Variants in PARP4 observed in about 807,000 individuals in gnomAD.
PARP4 encodes the protein poly(ADP-ribose) polymerase family member 4.
In PARP4, 120 loss-of-function variants were observed where a neutral mutation model predicts 187.7. The ratio of observed to expected loss-of-function variants is 0.64; its 90% CI spans 0.55 to 0.74. PARP4 has a LOEUF of 0.74. Among genes scored for constraint, PARP4 ranks in the 30% least tolerant of loss-of-function variants. The pLI is 0.00. For missense variants in PARP4, 1,836 were observed against 2,070.5 expected, an observed-to-expected ratio of 0.89 and a Z score of 2.20; for synonymous variants, 654 against 740.9, an observed-to-expected ratio of 0.88 and a Z score of 1.90.
chr13:24,462,319 G>T (rs1305206071), intron 17 of PARP4, among the ~76,000 whole-genome samples: 1 of 152,182 alleles, frequency 6.6e-6, no homozygotes, highest in Non-Finnish European at 1.5e-5. Context: ...ACAGGTAGTG[G>T]CAGTCCACCA....
At chr13:24,505,543 C>T (rs1869589004) in intron 1 of PARP4, among the ~76,000 whole-genome samples, 1 of 152,040 alleles carries the variant, frequency 6.6e-6, no homozygotes. Flanking sequence ...CCGCCTAAAC[C>T]CCCCAGAAAT....
intron 1 of PARP4, among the ~76,000 whole-genome samples, chr13:24,508,429 AAG>A (rs1274003552): frequency 2.0e-5 from 3 of 152,218 alleles, no homozygotes; most frequent in Non-Finnish European, 4.4e-5. Context: ...CAGAAAAAAA[AAG>A]AACAAAACAA....
At position 24,486,164 on chromosome 13, in the gene PARP4, T is replaced by C; in HGVS notation, c.1352+4A>G. On this transcript the variant is annotated splice_donor_region_variant and intron_variant, in intron 11 of 33. Transcript: ENST00000381989. ...TTTTGAAAAATAAAGATGGCTACTC[T>C]TACCGACACAAGATTCCCACGATGT... 1 of 1,608,020 alleles carries C rather than the reference T, an allele frequency of 6.2e-7. No homozygotes were observed. Among genetic ancestry groups the C allele is most frequent in the Non-Finnish European group, 8.5e-7 (1 of 1,178,034 alleles).
At chr13:24,496,610 A>T (rs1012074914) in intron 6 of PARP4, among the ~76,000 whole-genome samples, 4 of 152,092 alleles carry the variant, frequency 2.6e-5, no homozygotes, top group Non-Finnish European at 4.4e-5. Context: ...ACCTGACGTG[A>T]GTCTCTTTCT....
intron 26 of PARP4, 107 bp downstream of exon 26, chr13:24,446,909 C>T (rs1250094407): frequency 2.1e-6 from 3 of 1,450,028 alleles, no homozygotes; most frequent in East Asian, 2.3e-5. Context: ...AGCTGTGTTC[C>T]CAGAAGAAGA....
intron 18 of PARP4, 139 bp downstream of exon 18, chr13:24,459,833 T>G: frequency 1.6e-6 from 1 of 633,432 alleles, no homozygotes; most frequent in Non-Finnish European, 2.7e-6. Context: ...TGTATCTAAA[T>G]GCATGTCAGT....
In PARP4 at chr13:24,455,159, G is replaced by C. The variant is rs1389841851; in HGVS notation, c.2616C>G (p.Ala872=). The C allele has an allele frequency of 6.2e-7, 1 of 1,609,530 alleles. No homozygotes were observed. Among genetic ancestry groups the C allele is most frequent in the African/African-American group, 1.3e-5 (1 of 74,838 alleles). The change falls in exon 22 of 34, where the codon GCC becomes GCG. Residue 872 remains alanine, a synonymous_variant. Transcript: ENST00000381989. ...PDLDVDLPDL[A]SESEVIICLD... is the part of the protein sequence containing the mutation. ...GACAAATAATCACTTCGCTCTCACT[G>C]GCTAGGTCAGGGAGGTCGACATCGA... is the stretch of plus-strand genomic sequence containing the variant.
At position 24,456,486 on chromosome 13, in the gene PARP4, A is replaced by G. The variant is rs1871859450; in HGVS notation, c.2425-8T>C. Reference sequence around the variant, plus strand: ...AGCTTTGCAGTCTGTGCGCTGCAAAACAAACACCGCGACAACAAGGTGAGT... The same window carrying G: ...AGCTTTGCAGTCTGTGCGCTGCAAAGCAAACACCGCGACAACAAGGTGAGT... On this transcript the variant is annotated splice_polypyrimidine_tract_variant and splice_region_variant and intron_variant, in intron 20 of 33. Coordinates refer to ENST00000381989, the MANE Select transcript of PARP4 (RefSeq NM_006437.4). 6.3e-7 allele frequency: 1 copy of G among 1,583,548 alleles called. No homozygotes were observed.
intron 10 of PARP4, among the ~76,000 whole-genome samples, chr13:24,487,698 T>A (rs1426822807): frequency 6.6e-6 from 1 of 152,080 alleles, no homozygotes; most frequent in Non-Finnish European, 1.5e-5. Context: ...CAACCCCATG[T>A]CCAGTGGCCT....
chr13:24,489,367 T>C (rs1868497115), intron 10 of PARP4, among the ~76,000 whole-genome samples: 1 of 152,120 alleles, frequency 6.6e-6, no homozygotes, highest in African/African-American at 2.4e-5. Context: ...CCCAGCACTT[T>C]GGGAGGCCGA....
intron 24 of PARP4, chr13:24,451,959 TG>T (rs1051153957): frequency 1.9e-4 from 30 of 154,518 alleles, no homozygotes; most frequent in Admixed American, 8.5e-4. Context: ...GGGGTCTGCC[TG>T]GAGGTCACAT....
chr13:24,457,584 C>G (rs1311124757), intron 20 of PARP4, among the ~76,000 whole-genome samples: 1 of 152,004 alleles, frequency 6.6e-6, no homozygotes, highest in Non-Finnish European at 1.5e-5. Flanking sequence ...CCAGCCTGGC[C>G]AACATGGGAA....
chr13:24,448,487 G>T (rs1247576733), intron 25 of PARP4, among the ~76,000 whole-genome samples: 1 of 150,012 alleles, frequency 6.7e-6, no homozygotes, highest in East Asian at 1.9e-4. Context: ...TGTTGGTGAG[G>T]ATGTGGAAAA....
intron 17 of PARP4, among the ~76,000 whole-genome samples, chr13:24,463,380 TAAAG>T (rs760212894): frequency 4.0e-5 from 6 of 151,726 alleles, no homozygotes; most frequent in Non-Finnish European, 8.8e-5. Flanking sequence ...AAAAAGAAAA[TAAAG>T]AAAACTCTTC....
chr13:24,431,005 G>A (rs1372884816), intron 32 of PARP4, among the ~76,000 whole-genome samples: 3 of 152,200 alleles, frequency 2.0e-5, no homozygotes, highest in Non-Finnish European at 4.4e-5. Flanking sequence ...AGATGGTGGA[G>A]CCACAGTATG....
At chr13:24,457,791 A>G (rs1453828531) in intron 20 of PARP4, among the ~76,000 whole-genome samples, 2 of 149,644 alleles carry the variant, frequency 1.3e-5, no homozygotes, top group East Asian at 1.9e-4. Context: ...AAAAAAAAAA[A>G]AAAAAGAAAA....
intron 28 of PARP4, 104 bp from the exon 29 acceptor site, chr13:24,442,789 G>T (rs1362640661): frequency 9.5e-6 from 6 of 632,748 alleles, no homozygotes; most frequent in Non-Finnish European, 1.7e-5. Context: ...TGAATTGCAG[G>T]TCCCATCTAA....
At chr13:24,502,299 C>G (rs557903709) in intron 2 of PARP4, among the ~76,000 whole-genome samples, 4 of 152,288 alleles carry the variant, frequency 2.6e-5, no homozygotes, top group African/African-American at 9.6e-5. Context: ...CCCATCTCAG[C>G]TGAGTTTACA....
chr13:24,482,697 C>T (rs1289522518), intron 12 of PARP4, among the ~76,000 whole-genome samples: 1 of 152,098 alleles, frequency 6.6e-6, no homozygotes, highest in Non-Finnish European at 1.5e-5. Flanking sequence ...CTTTAATAGA[C>T]TAGAGTGTAA....
Sources: allele counts gnomAD v4.1 joint callset (sites outside exome capture counted in the v4.1 genomes callset), GRCh38; gene constraint gnomAD v4.1.1; transcripts MANE v1.5; gene names NCBI Gene and HGNC (gene_info 2026-07-23, HGNC 2026-07-21).